ZMYM2: variants seen among roughly 807,000 people sequenced by gnomAD.
The protein encoded by ZMYM2 is zinc finger MYM-type protein 2.
Under a neutral mutation model 162.8 loss-of-function variants are expected in ZMYM2, and 56 were observed. The observed-to-expected ratio is 0.34, with a 90% CI of 0.28 to 0.43. ZMYM2 has a LOEUF of 0.43. Among genes scored for constraint, ZMYM2 ranks in the 20% least tolerant of loss-of-function variants. The pLI, the probability that ZMYM2 is intolerant of heterozygous loss-of-function variation, is 1.00. For missense variants in ZMYM2, 1,275 were observed against 1,621.8 expected (o/e 0.79, Z 3.67); for synonymous variants, 510 against 541.6 (o/e 0.94, Z 0.81).
intron 7 of ZMYM2, among the ~76,000 whole-genome samples, chr13:20,023,193 G>T (rs1952270928): frequency 2.6e-5 from 4 of 152,158 alleles, no homozygotes; most frequent in African/African-American, 7.2e-5. Context: ...TCAGTTAGAG[G>T]TTAGTAAATA....
intron 6 of ZMYM2, among the ~76,000 whole-genome samples, chr13:20,011,343 C>T (rs1006754514): frequency 2.6e-5 from 4 of 152,282 alleles, no homozygotes; most frequent in East Asian, 3.9e-4. Flanking sequence ...ATTATACTTA[C>T]ATTCAAACAA....
At chr13:19,877,544 G>C in the ZMYM2 span, among the ~76,000 whole-genome samples, 1 of 152,180 alleles carries the variant, frequency 6.6e-6, no homozygotes, top group Non-Finnish European at 1.5e-5. Flanking sequence ...TTCCCACTAG[G>C]CTCTGTCTTT....
chr13:19,973,670 CAAAAA>C (rs529880853), intron 2 of ZMYM2, among the ~76,000 whole-genome samples: 1 of 59,004 alleles, frequency 1.7e-5, no homozygotes, highest in African/African-American at 7.4e-5. Flanking sequence ...AACTCCATCT[CAAAAA>C]AAAAAAAAAA....
At chr13:20,004,339 T>A (rs1466308870) in intron 4 of ZMYM2, among the ~76,000 whole-genome samples, 1 of 152,148 alleles carries the variant, frequency 6.6e-6, no homozygotes, top group Admixed American at 6.6e-5. Flanking sequence ...CACTGCAAGC[T>A]CCGTCTCCTG....
At chr13:19,873,013 TA>T in the ZMYM2 span, among the ~76,000 whole-genome samples, 2 of 151,590 alleles carry the variant, frequency 1.3e-5, no homozygotes, top group Non-Finnish European at 2.9e-5. Context: ...AAAAAATAAA[TA>T]AATAAAATCC....
At chr13:19,890,505 T>TAAAAAAAAAAAAAAA in the ZMYM2 span, among the ~76,000 whole-genome samples, 11 of 98,450 alleles carry the variant, frequency 1.1e-4, no homozygotes, top group South Asian at 7.2e-4. Context: ...AGTGCTTTTG[T>TAAAAAAAAAAAAAAA]AAAAAAAAAA....
At chr13:19,891,383 C>T in the ZMYM2 span, among the ~76,000 whole-genome samples, 7 of 151,838 alleles carry the variant, frequency 4.6e-5, no homozygotes, top group Middle Eastern at 3.4e-3. Context: ...TATGAGAAAA[C>T]GAATTTCTAT....
At chr13:19,885,256 G>T in the ZMYM2 span, among the ~76,000 whole-genome samples, 2 of 152,084 alleles carry the variant, frequency 1.3e-5, no homozygotes, top group Non-Finnish European at 2.9e-5. Context: ...CCTGGGCCAC[G>T]GAGTGAGACC....
At chr13:20,058,777 G>A in intron 15 of ZMYM2, 73 bp downstream of exon 15, 1 of 1,559,008 alleles carries the variant, frequency 6.4e-7, no homozygotes, top group Non-Finnish European at 8.8e-7. Context: ...TGCTTTTCTT[G>A]AATGACACCT....
At chr13:20,084,545 C>T (rs1394496906) in intron 24 of ZMYM2, among the ~76,000 whole-genome samples, 1 of 151,992 alleles carries the variant, frequency 6.6e-6, no homozygotes, top group Admixed American at 6.6e-5. Flanking sequence ...TTTGCCAATG[C>T]CCGGTGTAAA....
the ZMYM2 span, among the ~76,000 whole-genome samples, chr13:19,868,285 G>A: frequency 5.3e-4 from 80 of 152,328 alleles, no homozygotes; most frequent in South Asian, 8.3e-4. Flanking sequence ...CACAGTCAGA[G>A]ATTAAAGCTT....
At chr13:20,031,280 A>G (rs758082559) in intron 9 of ZMYM2, 39 bp from the exon 10 acceptor site, 2 of 1,406,444 alleles carry the variant, frequency 1.4e-6, no homozygotes, top group Non-Finnish European at 2.0e-6. Flanking sequence ...AAATTCAAAC[A>G]TACATGTCAG....
At chr13:19,885,884 T>TATATGTGTATACACAC in the ZMYM2 span, among the ~76,000 whole-genome samples, 40 of 41,360 alleles carry the variant, frequency 9.7e-4, 7 homozygotes, top group South Asian at 8.4e-3. Context: ...TATATACACA[T>TATATGTGTATACACAC]ATATATGTGT....
intron 9 of ZMYM2, among the ~76,000 whole-genome samples, chr13:20,030,938 A>C (rs1009747921): frequency 6.6e-6 from 1 of 152,212 alleles, no homozygotes; most frequent in Non-Finnish European, 1.5e-5. Context: ...TGGAGATAGC[A>C]ATAAGAACTA....
chr13:19,961,351 C>G (rs1408478570), intron 2 of ZMYM2, among the ~76,000 whole-genome samples: 1 of 152,136 alleles, frequency 6.6e-6, no homozygotes, highest in Non-Finnish European at 1.5e-5. Context: ...CTGTTTGGAT[C>G]AGAATTAACA....
chr13:19,875,912 C>T, the ZMYM2 span, among the ~76,000 whole-genome samples: 3 of 152,074 alleles, frequency 2.0e-5, no homozygotes, highest in Non-Finnish European at 4.4e-5. Context: ...TCAATAGAAG[C>T]TCAAAACTTC....
rs1043080572 is a variant in ZMYM2 at position 20,006,688 on chromosome 13, A to T, written c.1512+102A>T. On this transcript the variant is annotated intron_variant, in intron 6 of 24. Coordinates refer to ENST00000610343, the MANE Select transcript of ZMYM2 (RefSeq NM_197968.4). ...TGTTTATTAACTGGCTTTATCTTAG[A>T]ATTTCATTTAATTCCATTATTGTTG... is the stretch of plus-strand genomic sequence containing the variant. 1.5e-5 allele frequency: 17 copies of T among 1,130,222 alleles called. No individual in the cohort carries two copies. The Admixed American group carries it at 2.9e-4, about 19-fold the overall frequency. The allele number at this position is 1,130,222 out of a possible 1,614,324, so 70.0% of individuals were successfully genotyped here.
intron 2 of ZMYM2, among the ~76,000 whole-genome samples, chr13:19,991,255 A>G (rs1949598843): frequency 6.6e-6 from 1 of 152,092 alleles, no homozygotes; most frequent in South Asian, 2.1e-4. Context: ...CCAGGACTAC[A>G]GATGTGCGCC....
At chr13:20,041,896 T>C (rs923216763) in intron 12 of ZMYM2, among the ~76,000 whole-genome samples, 2 of 152,194 alleles carry the variant, frequency 1.3e-5, no homozygotes, top group Non-Finnish European at 1.5e-5. Context: ...CAATCTCTTC[T>C]GGCTTATAGG....
Sources: allele counts gnomAD v4.1 joint callset (sites outside exome capture counted in the v4.1 genomes callset), GRCh38; gene constraint gnomAD v4.1.1; transcripts MANE v1.5; gene names NCBI Gene and HGNC (gene_info 2026-07-23, HGNC 2026-07-21).